TPRG1: variants seen among roughly 807,000 people sequenced by gnomAD.
TPRG1 encodes the protein tumor protein p63-regulated gene 1 protein.
A neutral mutation model predicts 29.3 loss-of-function variants in TPRG1; 29 were observed. That is an observed-to-expected ratio of 0.99 (90% CI 0.74 to 1.35). The LOEUF (loss-of-function observed/expected upper bound fraction) is 1.35. Among genes scored for constraint, TPRG1 ranks in the 40% most tolerant of loss-of-function variants. TPRG1 has a pLI of 0.00. For synonymous variants in TPRG1, 130 were observed against 116.8 expected, an observed-to-expected ratio of 1.11 and a Z score of -0.73; for missense variants, 327 against 335.0, an observed-to-expected ratio of 0.98 and a Z score of 0.19.
chr3:189,207,620 C>T, intron 2 of TPRG1, 26 bp downstream of exon 2: 4 of 1,605,540 alleles, frequency 2.5e-6, no homozygotes, highest in Non-Finnish European at 3.4e-6. Context: ...CTCTTAAATA[C>T]TATATAAAAA....
At chr3:189,283,243 C>T (rs531284058) in intron 4 of TPRG1, among the ~76,000 whole-genome samples, 1 of 152,202 alleles carries the variant, frequency 6.6e-6, no homozygotes, top group East Asian at 1.9e-4. Context: ...ATATTTGTGC[C>T]AGTTTTTTAA....
intron 4 of TPRG1, among the ~76,000 whole-genome samples, chr3:189,080,910 G>T (rs1392520048): frequency 6.6e-6 from 1 of 151,974 alleles, no homozygotes; most frequent in Non-Finnish European, 1.5e-5. Context: ...GGGTAGATTT[G>T]AGTGAGAAGA....
intron 4 of TPRG1, among the ~76,000 whole-genome samples, chr3:189,057,880 A>ATATGTGTG (rs1715838016): frequency 7.2e-6 from 1 of 138,036 alleles, no homozygotes; most frequent in African/African-American, 3.0e-5. Flanking sequence ...GTGTGTATAT[A>ATATGTGTG]TATATACGTA....
chr3:189,277,746 A>G (rs1367619492), intron 4 of TPRG1, among the ~76,000 whole-genome samples: 1 of 152,234 alleles, frequency 6.6e-6, no homozygotes, highest in Non-Finnish European at 1.5e-5. Flanking sequence ...TCAATCCATG[A>G]ATTCAAATGT....
chr3:189,149,758 C>T (rs534107966), intron 4 of TPRG1, among the ~76,000 whole-genome samples: 4 of 152,238 alleles, frequency 2.6e-5, no homozygotes, highest in East Asian at 1.9e-4. Flanking sequence ...TTCTCTGTTT[C>T]GAGCCTGTGT....
intron 4 of TPRG1, among the ~76,000 whole-genome samples, chr3:189,308,570 A>G (rs1183084984): frequency 6.6e-6 from 1 of 152,166 alleles, no homozygotes; most frequent in Admixed American, 6.6e-5. Context: ...CTGAACTTGC[A>G]TATTTGGAAG....
intron 4 of TPRG1, among the ~76,000 whole-genome samples, chr3:189,286,797 G>T (rs1184392315): frequency 6.6e-6 from 1 of 152,124 alleles, no homozygotes; most frequent in Non-Finnish European, 1.5e-5. Context: ...AGAGAGAGAT[G>T]AAATGACAGC....
chr3:189,088,037 A>T (rs985126791), intron 4 of TPRG1, among the ~76,000 whole-genome samples: 1 of 152,224 alleles, frequency 6.6e-6, no homozygotes, highest in Non-Finnish European at 1.5e-5. Flanking sequence ...CAATTCTATG[A>T]AGAAAGTCAT....
intron 3 of TPRG1, among the ~76,000 whole-genome samples, chr3:189,134,893 C>T (rs944293357): frequency 1.3e-5 from 2 of 152,180 alleles, no homozygotes; most frequent in African/African-American, 4.8e-5. Flanking sequence ...CAGTAAAGTA[C>T]ATGACAAGGA....
At chr3:189,065,135 C>A (rs899654416) in intron 4 of TPRG1, among the ~76,000 whole-genome samples, 1 of 151,938 alleles carries the variant, frequency 6.6e-6, no homozygotes, top group Non-Finnish European at 1.5e-5. Flanking sequence ...TAAAATTATG[C>A]TAGTACACTT....
chr3:189,114,121 A>G (rs997026876), intron 1 of TPRG1, among the ~76,000 whole-genome samples: 2 of 152,128 alleles, frequency 1.3e-5, no homozygotes, highest in African/African-American at 4.8e-5. Flanking sequence ...GGGAGCTTCT[A>G]TGAAGATAAT....
intron 1 of TPRG1, among the ~76,000 whole-genome samples, chr3:188,999,655 T>G (rs913748310): frequency 2.5e-4 from 38 of 152,178 alleles, no homozygotes; most frequent in African/African-American, 8.4e-4. Flanking sequence ...TGAAAAGTAC[T>G]TAGGAAAATG....
chr3:189,141,072 G>T (rs1027096251), intron 3 of TPRG1, among the ~76,000 whole-genome samples: 1 of 152,190 alleles, frequency 6.6e-6, no homozygotes, highest in Non-Finnish European at 1.5e-5. Flanking sequence ...TTAACAAATA[G>T]CAGTTTTCAG....
intron 4 of TPRG1, among the ~76,000 whole-genome samples, chr3:189,087,248 T>C (rs1443055168): frequency 6.6e-6 from 1 of 152,228 alleles, no homozygotes; most frequent in Non-Finnish European, 1.5e-5. Context: ...TGCATTTCTC[T>C]GATGGCCAGT....
chr3:189,061,054 G>C (rs912400535), intron 4 of TPRG1, among the ~76,000 whole-genome samples: 1 of 152,042 alleles, frequency 6.6e-6, no homozygotes, highest in African/African-American at 2.4e-5. Flanking sequence ...TATACTATAG[G>C]GCTACAGTAA....
At chr3:189,158,122 A>G (rs1323041447) in intron 5 of TPRG1, among the ~76,000 whole-genome samples, 4 of 152,210 alleles carry the variant, frequency 2.6e-5, no homozygotes, top group African/African-American at 9.7e-5. Context: ...CATCATAGTC[A>G]TTTACCATTG....
chr3:189,258,255 G>T (rs1230987510), intron 4 of TPRG1, among the ~76,000 whole-genome samples: 2 of 151,654 alleles, frequency 1.3e-5, no homozygotes. Context: ...TTCTAAGTCA[G>T]GCCCCTCTTC....
intron 1 of TPRG1, among the ~76,000 whole-genome samples, chr3:189,117,720 C>A (rs551809929): frequency 4.6e-5 from 7 of 152,212 alleles, no homozygotes; most frequent in Non-Finnish European, 7.3e-5. Context: ...CATTTACCCT[C>A]GTTGTACTCA....
chr3:189,119,698 C>T (rs1044822292), intron 1 of TPRG1, among the ~76,000 whole-genome samples: 1 of 152,200 alleles, frequency 6.6e-6, no homozygotes, highest in African/African-American at 2.4e-5. Context: ...CAGCACTTCT[C>T]TCTCCTGCCG....
Sources: allele counts gnomAD v4.1 joint callset (sites outside exome capture counted in the v4.1 genomes callset), GRCh38; gene constraint gnomAD v4.1.1; transcripts MANE v1.5; gene names NCBI Gene and HGNC (gene_info 2026-07-23, HGNC 2026-07-21).